Variants in BABAM2 observed in about 807,000 individuals in gnomAD.
BABAM2 encodes the protein BRISC and BRCA1 A complex member 2.
Under a neutral mutation model 54.7 loss-of-function variants are expected in BABAM2, and 31 were observed. The observed-to-expected ratio is 0.57, with a 90% CI of 0.43 to 0.77. BABAM2 has a LOEUF of 0.77. Among genes scored for constraint, BABAM2 ranks in the 30% least tolerant of loss-of-function variants. The pLI is 0.00. For synonymous variants in BABAM2, 167 were observed against 162.9 expected (o/e 1.03, Z -0.19); for missense variants, 364 against 455.8 (o/e 0.80, Z 1.83).
At chr2:28,081,604 A>G (rs565124483) in intron 6 of BABAM2, among the ~76,000 whole-genome samples, 3 of 152,328 alleles carry the variant, frequency 2.0e-5, no homozygotes, top group African/African-American at 7.2e-5. Context: ...CTGCATTTCC[A>G]CTAGCCTAAT....
At chr2:27,923,304 A>G (rs1159365967) in intron 2 of BABAM2, among the ~76,000 whole-genome samples, 1 of 152,236 alleles carries the variant, frequency 6.6e-6, no homozygotes, top group Non-Finnish European at 1.5e-5. Context: ...TCAAATAGAA[A>G]AGGGTTGTAT....
At chr2:27,913,657 C>T (rs923729113) in intron 2 of BABAM2, among the ~76,000 whole-genome samples, 3 of 151,286 alleles carry the variant, frequency 2.0e-5, no homozygotes, top group Non-Finnish European at 4.4e-5. Flanking sequence ...ATATTTTATA[C>T]GTATAAAATG....
At chr2:28,222,464 C>T (rs1680503531) in intron 7 of BABAM2, among the ~76,000 whole-genome samples, 1 of 152,144 alleles carries the variant, frequency 6.6e-6, no homozygotes, top group South Asian at 2.1e-4. Flanking sequence ...ACTTTCGGCC[C>T]ATTGATGCCA....
At chr2:27,980,110 G>A (rs1457357998) in intron 3 of BABAM2, among the ~76,000 whole-genome samples, 1 of 152,160 alleles carries the variant, frequency 6.6e-6, no homozygotes, top group Non-Finnish European at 1.5e-5. Context: ...GTTTCAGGGA[G>A]TAATGAAAAA....
chr2:27,994,680 A>G (rs1673014495), intron 4 of BABAM2, among the ~76,000 whole-genome samples: 1 of 152,214 alleles, frequency 6.6e-6, no homozygotes, highest in African/African-American at 2.4e-5. Context: ...TGAGCATACC[A>G]CAGTTTATCC....
chr2:28,338,691 G>T lies in BABAM2; in HGVS notation c.*178G>T. The T allele has an allele frequency of 1.5e-6, 1 of 649,632 alleles. No homozygotes were observed. The highest frequency in any genetic ancestry group is 1.8e-5 in the African/African-American group (1 of 55,210). 40.2% of individuals were successfully genotyped at this position (649,632 alleles called of 1,614,324 possible). A position where few individuals can be genotyped will look rare whatever the true frequency, so the allele number is the denominator to read the frequency against. ...GAAATCCAACTTGAGCTGGCTGGTG[G>T]TCCCTGGATCCTAGAGCCCTTCACT... On this transcript the variant is annotated 3_prime_UTR_variant, in exon 12 of 12. Coordinates refer to ENST00000379624, the MANE Select transcript of BABAM2 (RefSeq NM_199191.3).
chr2:27,988,177 C>G, intron 4 of BABAM2, 90 bp downstream of exon 4: 1 of 1,201,484 alleles, frequency 8.3e-7, no homozygotes, highest in South Asian at 1.2e-5. Context: ...ATAGATTTGT[C>G]ACACATCTGC....
intron 6 of BABAM2, among the ~76,000 whole-genome samples, chr2:28,097,567 CACTT>C (rs1356414543): frequency 2.0e-5 from 3 of 152,236 alleles, no homozygotes; most frequent in Admixed American, 6.5e-5. Context: ...AACCTTATAT[CACTT>C]ACATTTGTTA....
At chr2:28,130,221 G>A (rs1389750947) in intron 7 of BABAM2, among the ~76,000 whole-genome samples, 1 of 152,114 alleles carries the variant, frequency 6.6e-6, no homozygotes. Context: ...AGTAGATGTG[G>A]TCACTATCTA....
chr2:28,259,106 T>C lies in BABAM2; in HGVS notation c.934+14244T>C, dbSNP rs143932143. Reference sequence around the variant, plus strand: ...TTTTTTTTTTTTTTTTTTTTTTTTTTCAGACTGAGTCTTGCTCTGTTGCCA... The same window carrying C: ...TTTTTTTTTTTTTTTTTTTTTTTTTCCAGACTGAGTCTTGCTCTGTTGCCA... On this transcript the variant is annotated intron_variant, in intron 10 of 11. Coordinates refer to ENST00000379624, the MANE Select transcript of BABAM2 (RefSeq NM_199191.3). Among the ~76,000 whole-genome samples, 1,092 of 109,506 alleles carry C rather than the reference T, an allele frequency of 1.0e-2. 4 individuals carry two copies. The highest frequency in any genetic ancestry group is 0.014 in the Non-Finnish European group (747 of 52,612). The allele number at this position is 109,506 out of a possible 152,430, so 71.8% of individuals were successfully genotyped here.
intron 6 of BABAM2, among the ~76,000 whole-genome samples, chr2:28,061,785 T>TA (rs1336615476): frequency 3.3e-5 from 5 of 151,436 alleles, no homozygotes; most frequent in East Asian, 3.9e-4. Context: ...TTTTTTTTTT[T>TA]AAAAACCTGT....
chr2:28,085,984 G>A (rs948307034), intron 6 of BABAM2, among the ~76,000 whole-genome samples: 2 of 152,064 alleles, frequency 1.3e-5, no homozygotes, highest in Admixed American at 6.6e-5. Context: ...GTCTTATGCT[G>A]TACAGGGATA....
chr2:27,959,776 A>T (rs943165847), intron 3 of BABAM2, among the ~76,000 whole-genome samples: 3 of 152,030 alleles, frequency 2.0e-5, no homozygotes, highest in Non-Finnish European at 2.9e-5. Flanking sequence ...CTATCAGAAA[A>T]AATTGCCATT....
Position 27,942,827 on chromosome 2 carries a change from T to TATTTATTA in BABAM2, c.205+12922_205+12923insTATTAATT, listed in dbSNP as rs1189574883. On this transcript the variant is annotated intron_variant, in intron 3 of 11. Coordinates refer to ENST00000379624, the MANE Select transcript of BABAM2 (RefSeq NM_199191.3). The stretch of plus-strand genomic sequence containing the variant: ...TTATTTATTTATTTATTTATTTATT[T>TATTTATTA]ATTAAGACAGGGTCTTGCTTTGTGG... Among the ~76,000 whole-genome samples the TATTTATTA allele has an allele frequency of 1.2e-4, 18 of 151,604 alleles. No individual in the cohort carries two copies. The East Asian group carries it at 1.4e-3, about 11-fold the overall frequency.
rs189257923 is a variant in BABAM2 at position 27,985,117 on chromosome 2, C to T, written c.206-2876C>T. On this transcript the variant is annotated intron_variant, in intron 3 of 11. Coordinates refer to ENST00000379624, the MANE Select transcript of BABAM2 (RefSeq NM_199191.3). ...TGTGTGTAGCTACGATTTCTTTATCCGCTTGTTGACTGATGGGCATTTGGG... is the reference window on the plus strand; with the variant it reads ...TGTGTGTAGCTACGATTTCTTTATCTGCTTGTTGACTGATGGGCATTTGGG... Among the ~76,000 whole-genome samples the T allele has an allele frequency of 3.7e-4, 52 of 140,234 alleles. 1 individual carries two copies. The highest frequency in any genetic ancestry group is 8.8e-4 in the African/African-American group (33 of 37,464). 92.0% of individuals were successfully genotyped at this position (140,234 alleles called of 152,430 possible).
intron 7 of BABAM2, 60 bp from the exon 8 acceptor site, chr2:28,237,142 G>C (rs1037533002): frequency 6.9e-7 from 1 of 1,450,744 alleles, no homozygotes; most frequent in African/African-American, 1.4e-5. Context: ...GCTTGGGGGT[G>C]TCACTTCTTA....
chr2:28,280,126 A>G (rs556102099), intron 10 of BABAM2, among the ~76,000 whole-genome samples: 253 of 151,666 alleles, frequency 1.7e-3, no homozygotes, highest in African/African-American at 5.6e-3. Context: ...TGGTTTGAAC[A>G]CAGCTCACTG....
At chr2:27,941,636 A>G (rs1453634926) in intron 3 of BABAM2, among the ~76,000 whole-genome samples, 2 of 152,140 alleles carry the variant, frequency 1.3e-5, no homozygotes, top group Non-Finnish European at 2.9e-5. Flanking sequence ...GACAGAGTGA[A>G]GAAGTCATGT....
intron 6 of BABAM2, among the ~76,000 whole-genome samples, chr2:28,087,538 G>A (rs962907066): frequency 1.3e-5 from 2 of 152,180 alleles, no homozygotes; most frequent in African/African-American, 2.4e-5. Context: ...TCTGTCGTAC[G>A]AGGGGTTCTC....
Sources: allele counts gnomAD v4.1 joint callset (sites outside exome capture counted in the v4.1 genomes callset), GRCh38; gene constraint gnomAD v4.1.1; transcripts MANE v1.5; gene names NCBI Gene and HGNC (gene_info 2026-07-23, HGNC 2026-07-21).